PDE1C: variants seen among roughly 807,000 people sequenced by gnomAD.
PDE1C encodes the protein phosphodiesterase 1C, also known as dual specificity calcium/calmodulin-dependent 3',5'-cyclic nucleotide phosphodiesterase 1C.
In PDE1C, 62 loss-of-function variants were observed where a neutral mutation model predicts 93.1. The observed-to-expected ratio is 0.67, with a 90% confidence interval of 0.54 to 0.82. PDE1C has a LOEUF of 0.82. Among genes scored for constraint, PDE1C ranks in the 40% least tolerant of loss-of-function variants. The probability of loss-of-function intolerance (pLI) is 0.00; values close to 1 mark genes in which losing one functional copy is unlikely to be tolerated. For missense variants in PDE1C, 742 were observed against 884.6 expected, an observed-to-expected ratio of 0.84 and a Z score of 2.04; for synonymous variants, 325 against 310.1, an observed-to-expected ratio of 1.05 and a Z score of -0.50.
At chr7:32,031,772 A>G (rs1318602320) in intron 2 of PDE1C, among the ~76,000 whole-genome samples, 1 of 152,112 alleles carries the variant, frequency 6.6e-6, no homozygotes, top group East Asian at 1.9e-4. Context: ...TGAGGTATGG[A>G]AAGTAGGAGA....
chr7:31,713,191 G>A, the PDE1C span, among the ~76,000 whole-genome samples: 1 of 152,166 alleles, frequency 6.6e-6, no homozygotes, highest in African/African-American at 2.4e-5. Flanking sequence ...GGATACAATG[G>A]GGATACAGGT....
chr7:31,909,890 T>C lies in PDE1C; in HGVS notation c.129-29030A>G, dbSNP rs184719028. Among the ~76,000 whole-genome samples, 254 of 149,200 alleles carry C rather than the reference T, an allele frequency of 1.7e-3. 1 individual carries two copies. Among genetic ancestry groups the C allele is most frequent in the Middle Eastern group, 3.5e-3 (1 of 288 alleles). ...GGCACCATTAACATTTTGGACTAGA[T>C]AACTCTTTGTTGTGGGGGCTGTCCC... On this transcript the variant is annotated intron_variant, in intron 2 of 17. Coordinates refer to ENST00000396191, the MANE Select transcript of PDE1C (RefSeq NM_001191057.4).
At chr7:32,115,458 G>C (rs1798938186) in intron 3 of PDE1C, among the ~76,000 whole-genome samples, 1 of 152,060 alleles carries the variant, frequency 6.6e-6, no homozygotes, top group South Asian at 2.1e-4. Context: ...ACACACATCA[G>C]GGCCTGTTGA....
intron 1 of PDE1C, among the ~76,000 whole-genome samples, chr7:32,414,013 G>A (rs1785224610): frequency 6.6e-6 from 1 of 152,016 alleles, no homozygotes; most frequent in African/African-American, 2.4e-5. Flanking sequence ...AGGAGTACAA[G>A]ATCAGCCACA....
chr7:31,675,531 AT>A, the PDE1C span, among the ~76,000 whole-genome samples: 1 of 152,022 alleles, frequency 6.6e-6, no homozygotes, highest in Non-Finnish European at 1.5e-5. Context: ...CCTGTATTAA[AT>A]TTATTTTGTC....
chr7:32,090,453 C>T (rs539626168), intron 3 of PDE1C, among the ~76,000 whole-genome samples: 25 of 152,288 alleles, frequency 1.6e-4, no homozygotes, highest in African/African-American at 4.3e-4. Flanking sequence ...CCTTGACATG[C>T]GCGGGCTTTC....
intron 2 of PDE1C, among the ~76,000 whole-genome samples, chr7:31,899,267 T>C (rs1391011660): frequency 2.6e-5 from 4 of 151,336 alleles, no homozygotes; most frequent in African/African-American, 9.7e-5. Flanking sequence ...GTCTCCCGAG[T>C]AGCTGGGACT....
At chr7:32,123,660 A>G (rs769262925) in intron 3 of PDE1C, among the ~76,000 whole-genome samples, 1 of 152,182 alleles carries the variant, frequency 6.6e-6, no homozygotes, top group Non-Finnish European at 1.5e-5. Flanking sequence ...CAACATCCCT[A>G]CATGTTAAAA....
chr7:32,146,135 T>G (rs1800819817), intron 3 of PDE1C, among the ~76,000 whole-genome samples: 1 of 152,100 alleles, frequency 6.6e-6, no homozygotes, highest in Non-Finnish European at 1.5e-5. Flanking sequence ...GACTCTAAGG[T>G]TATTCTGACA....
chr7:31,726,022 G>A, the PDE1C span, among the ~76,000 whole-genome samples: 3 of 152,160 alleles, frequency 2.0e-5, no homozygotes, highest in Non-Finnish European at 4.4e-5. Flanking sequence ...ATACATTTTG[G>A]TGTATTTGTT....
intron 3 of PDE1C, among the ~76,000 whole-genome samples, chr7:32,118,548 T>C (rs1799116385): frequency 1.3e-5 from 2 of 152,228 alleles, no homozygotes; most frequent in Admixed American, 1.3e-4. Context: ...GACTTCATAA[T>C]TTATGGTGAA....
chr7:32,172,073 A>C (rs184375696), intron 2 of PDE1C, among the ~76,000 whole-genome samples: 1 of 151,854 alleles, frequency 6.6e-6, no homozygotes, highest in East Asian at 1.9e-4. Flanking sequence ...AATAAATCAT[A>C]TATAATTAAT....
intron 1 of PDE1C, among the ~76,000 whole-genome samples, chr7:32,209,777 G>A (rs533311183): frequency 6.6e-6 from 1 of 152,314 alleles, no homozygotes; most frequent in Admixed American, 6.5e-5. Flanking sequence ...AGCTAGAGAG[G>A]ATCTCAACAA....
At chr7:31,646,741 T>A in the PDE1C span, among the ~76,000 whole-genome samples, 2 of 152,158 alleles carry the variant, frequency 1.3e-5, no homozygotes, top group African/African-American at 2.4e-5. Context: ...CCCATTATGC[T>A]CAGTAACTGT....
intron 3 of PDE1C, among the ~76,000 whole-genome samples, chr7:32,132,474 A>T (rs960769233): frequency 1.3e-5 from 2 of 152,076 alleles, no homozygotes; most frequent in African/African-American, 4.8e-5. Context: ...ACCCTGGGCA[A>T]CATAGTGAAA....
chr7:32,293,389 G>T (rs1290065878), intron 1 of PDE1C, among the ~76,000 whole-genome samples: 1 of 152,120 alleles, frequency 6.6e-6, no homozygotes, highest in Non-Finnish European at 1.5e-5. Flanking sequence ...CATTGTGAGA[G>T]CTCCTCAGGC....
At chr7:32,409,581 T>C (rs932339866) in intron 1 of PDE1C, among the ~76,000 whole-genome samples, 3 of 152,174 alleles carry the variant, frequency 2.0e-5, no homozygotes, top group South Asian at 2.1e-4. Context: ...GTAAAGTTGA[T>C]TCTAGAAAGG....
chr7:32,215,134 A>C (rs980289657), intron 1 of PDE1C, among the ~76,000 whole-genome samples: 1 of 152,068 alleles, frequency 6.6e-6, no homozygotes, highest in Non-Finnish European at 1.5e-5. Context: ...GTTAGGAACC[A>C]AGCAGCACAG....
intron 16 of PDE1C, among the ~76,000 whole-genome samples, chr7:31,801,113 A>C (rs1489006629): frequency 6.6e-6 from 1 of 150,886 alleles, no homozygotes; most frequent in Non-Finnish European, 1.5e-5. Flanking sequence ...TAAACCCAAT[A>C]GCAAGCAGAA....
Sources: gnomAD v4.1 joint callset for allele counts (sites outside exome capture counted in the v4.1 genomes callset) on GRCh38, gnomAD v4.1.1 for gene constraint, MANE v1.5 for transcripts, NCBI Gene and HGNC (gene_info 2026-07-23, HGNC 2026-07-21) for gene names.